Variants in COL27A1 observed in about 807,000 individuals in gnomAD.
COL27A1 encodes collagen type XXVII alpha 1 chain.
COL27A1 carries 106 observed loss-of-function variants against 251.3 expected under a neutral mutation model. The observed-to-expected ratio is 0.42, with a 90% confidence interval of 0.36 to 0.50. The LOEUF (loss-of-function observed/expected upper bound fraction) is 0.50. Ranked by LOEUF, COL27A1 falls within the 20% of genes least tolerant of loss-of-function variation. The pLI, the probability that COL27A1 is intolerant of heterozygous loss-of-function variation, is 0.00. For missense variants in COL27A1, 2,325 were observed against 2,522.8 expected (o/e 0.92, Z 1.68); for synonymous variants, 1,000 against 986.3 (o/e 1.01, Z -0.26).
At chr9:114,199,476 C>G in intron 7 of COL27A1, among the ~76,000 whole-genome samples, 1 of 152,082 alleles carries the variant, frequency 6.6e-6, no homozygotes, top group East Asian at 1.9e-4. Context: ...AACCCTGGCC[C>G]CATCCAATCC....
intron 5 of COL27A1, among the ~76,000 whole-genome samples, chr9:114,185,152 T>C (rs1828244122): frequency 6.6e-6 from 1 of 152,076 alleles, no homozygotes; most frequent in Admixed American, 6.5e-5. Context: ...TTTGAACACA[T>C]CTCTTAGTAT....
intron 3 of COL27A1, among the ~76,000 whole-genome samples, chr9:114,175,088 C>T (rs1247108627): frequency 8.0e-5 from 1 of 12,468 alleles, no homozygotes; most frequent in East Asian, 0.031. Flanking sequence ...TGGACTTGTT[C>T]CGTAGGATGG....
intron 48 of COL27A1, among the ~76,000 whole-genome samples, chr9:114,291,488 A>G (rs1273940962): frequency 6.6e-6 from 1 of 152,186 alleles, no homozygotes; most frequent in Non-Finnish European, 1.5e-5. Context: ...AGTGGCTCAC[A>G]CCTGTAATCC....
At chr9:114,194,210 A>C (rs1828944489) in intron 5 of COL27A1, among the ~76,000 whole-genome samples, 194 bp from the exon 6 acceptor site, 1 of 152,178 alleles carries the variant, frequency 6.6e-6, no homozygotes, top group Non-Finnish European at 1.5e-5. Flanking sequence ...GTCACCATGC[A>C]GTCAGGGGAA....
chr9:114,249,327 T>A (rs1833365898), intron 24 of COL27A1, among the ~76,000 whole-genome samples: 1 of 152,256 alleles, frequency 6.6e-6, no homozygotes, highest in East Asian at 1.9e-4. Flanking sequence ...TTATACCTAG[T>A]GCCTCATCCC....
At chr9:114,308,292 C>T (rs1829201055) in intron 59 of COL27A1, among the ~76,000 whole-genome samples, 1 of 152,216 alleles carries the variant, frequency 6.6e-6, no homozygotes, top group Non-Finnish European at 1.5e-5. Flanking sequence ...GCCCAGGGAT[C>T]CTCAGTGGAT....
intron 2 of COL27A1, among the ~76,000 whole-genome samples, chr9:114,163,271 G>T (rs1425381194): frequency 6.6e-6 from 1 of 152,154 alleles, no homozygotes; most frequent in Non-Finnish European, 1.5e-5. Context: ...TTTGTAAAAG[G>T]GTAGGAAGGA....
intron 41 of COL27A1, among the ~76,000 whole-genome samples, chr9:114,287,941 G>T (rs1304375074): frequency 1.3e-5 from 2 of 152,068 alleles, no homozygotes; most frequent in African/African-American, 4.8e-5. Flanking sequence ...TCATGAGTCT[G>T]CCTGTGACTG....
At chr9:114,300,476 G>C (rs1828539902) in intron 50 of COL27A1, 149 bp from the exon 51 acceptor site, 3 of 587,752 alleles carry the variant, frequency 5.1e-6, no homozygotes, top group Non-Finnish European at 8.9e-6. Flanking sequence ...AATAATTGTA[G>C]GTGTTTCTTA....
rs116883904 is a variant in COL27A1 at position 114,247,364 on chromosome 9, G to A, written c.2979+1454G>A. Among the ~76,000 whole-genome samples the A allele has an allele frequency of 1.0e-3, 153 of 152,252 alleles. 1 individual carries two copies. In the East Asian group the frequency reaches 0.028, roughly 28 times the overall value. On this transcript the variant is annotated intron_variant, in intron 24 of 60. Coordinates refer to ENST00000356083, the MANE Select transcript of COL27A1 (RefSeq NM_032888.4). ...TGGTTTGTTGCCTACACTCATATTC[G>A]AGGCAAATGCTAAATTTCAATTAGA... is the stretch of plus-strand genomic sequence containing the variant.
chr9:114,289,410 G>A, intron 45 of COL27A1, 115 bp downstream of exon 45: 1 of 1,020,826 alleles, frequency 9.8e-7, no homozygotes, highest in Non-Finnish European at 1.4e-6. Context: ...AGGGTAGGGA[G>A]GGGCGGCCCA....
At chr9:114,247,674 G>T (rs1450601438) in intron 24 of COL27A1, among the ~76,000 whole-genome samples, 1 of 152,222 alleles carries the variant, frequency 6.6e-6, no homozygotes, top group Non-Finnish European at 1.5e-5. Context: ...GACAGTAGCG[G>T]GAAGGAGGCA....
intron 19 of COL27A1, 90 bp from the exon 20 acceptor site, chr9:114,240,130 G>A (rs1832655125): frequency 8.4e-7 from 1 of 1,193,336 alleles, no homozygotes; most frequent in Admixed American, 1.7e-5. Flanking sequence ...AGGATGAGAT[G>A]GAAACCCGGT....
intron 5 of COL27A1, among the ~76,000 whole-genome samples, chr9:114,187,618 CTG>C (rs1828465462): frequency 6.6e-6 from 1 of 152,242 alleles, no homozygotes; most frequent in Non-Finnish European, 1.5e-5. Flanking sequence ...CTGGTCTTCC[CTG>C]TGTGTGTCAC....
chr9:114,264,611 G>A (rs1466821189), intron 29 of COL27A1, among the ~76,000 whole-genome samples: 1 of 152,146 alleles, frequency 6.6e-6, no homozygotes, highest in Non-Finnish European at 1.5e-5. Context: ...AAGCAAGAAA[G>A]GAGGAGGGAG....
chr9:114,254,343 C>T (rs1232070783), intron 27 of COL27A1, among the ~76,000 whole-genome samples: 1 of 151,032 alleles, frequency 6.6e-6, no homozygotes, highest in African/African-American at 2.4e-5. Flanking sequence ...GTTCAAGAGC[C>T]CCTTCTCCTT....
At chr9:114,230,537 G>A (rs1301827109) in intron 14 of COL27A1, among the ~76,000 whole-genome samples, 1 of 152,164 alleles carries the variant, frequency 6.6e-6, no homozygotes, top group Non-Finnish European at 1.5e-5. Context: ...GGATCTGCCA[G>A]CTGATTATAG....
chr9:114,206,350 T>C, intron 10 of COL27A1, 54 bp downstream of exon 10: 2 of 1,579,488 alleles, frequency 1.3e-6, no homozygotes, highest in Non-Finnish European at 1.7e-6. Flanking sequence ...GAGCATCACC[T>C]GTCCCTCCAG....
intron 1 of COL27A1, among the ~76,000 whole-genome samples, chr9:114,158,138 C>G (rs1588538994): frequency 6.6e-6 from 1 of 152,288 alleles, no homozygotes; most frequent in Non-Finnish European, 1.5e-5. Context: ...GGGACAGGTC[C>G]ACCCCACTTG....
Sources: gnomAD v4.1 joint callset for allele counts (sites outside exome capture counted in the v4.1 genomes callset) on GRCh38, gnomAD v4.1.1 for gene constraint, MANE v1.5 for transcripts, NCBI Gene and HGNC (gene_info 2026-07-23, HGNC 2026-07-21) for gene names.